ADCY9: variants seen among roughly 807,000 people sequenced by gnomAD.
ADCY9 encodes the protein adenylate cyclase 9, also known as adenylate cyclase type 9.
A neutral mutation model predicts 101.5 loss-of-function variants in ADCY9; 50 were observed. That is an observed-to-expected ratio of 0.49 (90% CI 0.39 to 0.62). ADCY9 has a LOEUF of 0.62. Ranked by LOEUF, ADCY9 falls within the 20% of genes least tolerant of loss-of-function variation. The probability of loss-of-function intolerance (pLI) is 0.00; values close to 1 mark genes in which losing one functional copy is unlikely to be tolerated. For missense variants in ADCY9, 1,662 were observed against 1,800.4 expected (o/e 0.92, Z 1.39); for synonymous variants, 905 against 769.3 (o/e 1.18, Z -2.92).
chr16:4,084,078 A>C (rs952907369), intron 2 of ADCY9, among the ~76,000 whole-genome samples: 1 of 151,900 alleles, frequency 6.6e-6, no homozygotes, highest in African/African-American at 2.4e-5. Context: ...TGACAGGTGA[A>C]TTACATCTCA....
rs1351332957 is a variant in ADCY9, at chr16:4,114,531, C to T, written c.912G>A (p.Val304=). 6.2e-7 allele frequency: 1 copy of T among 1,614,218 alleles called. No individual in the cohort carries two copies. The highest frequency in any genetic ancestry group is 8.5e-7 in the Non-Finnish European group (1 of 1,180,040). The change falls in exon 2 of 11, where the codon GTG becomes GTA. Residue 304 remains valine (V), a synonymous_variant. Transcript: ENST00000294016. This position sits in a 1 kb window ranked among gnomAD's most constrained non-coding sequence, Gnocchi z 4.3. ...CCTTGAGGAAGGTGCTCCTGGACCT[C>T]ACCTGGGACATGACGAACAGGTGGA... ...IGVHLFVMSQ[V]RSRSTFLKVG...
chr16:3,969,613 T>TATATATATATTTA (rs1491520639), intron 10 of ADCY9, among the ~76,000 whole-genome samples: 1 of 81,036 alleles, frequency 1.2e-5, no homozygotes, highest in Non-Finnish European at 2.2e-5. Flanking sequence ...TATATATGTA[T>TATATATATATTTA]TTTTTTTTTT....
At chr16:3,983,568 T>G (rs756027016) in intron 6 of ADCY9, 128 bp from the exon 7 acceptor site, 87 of 762,154 alleles carry the variant, frequency 1.1e-4, no homozygotes, top group Non-Finnish European at 1.8e-4. Flanking sequence ...GCAGGAAGGC[T>G]CTCGGAGGGC....
chr16:3,982,614 T>G (rs1180207191), intron 7 of ADCY9: 2 of 152,404 alleles, frequency 1.3e-5, no homozygotes, highest in African/African-American at 4.8e-5. Context: ...ATGAGCTGTC[T>G]TTTTATTATC....
intron 3 of ADCY9, among the ~76,000 whole-genome samples, chr16:3,999,970 G>T (rs1393162306): frequency 1.3e-5 from 2 of 152,154 alleles, no homozygotes; most frequent in Non-Finnish European, 2.9e-5. Flanking sequence ...GTCAAGGGAG[G>T]GAGTGGGGAA....
intron 2 of ADCY9, among the ~76,000 whole-genome samples, chr16:4,032,611 G>C (rs1457222408): frequency 1.3e-5 from 2 of 150,930 alleles, no homozygotes; most frequent in East Asian, 4.0e-4. Context: ...CCTGGTTCAA[G>C]AGATTCTCGT....
intron 2 of ADCY9, among the ~76,000 whole-genome samples, chr16:4,054,550 T>C (rs755136811): frequency 1.3e-5 from 2 of 152,098 alleles, no homozygotes; most frequent in Non-Finnish European, 2.9e-5. Flanking sequence ...TCAACAAGTA[T>C]GGCTCTGATT....
At chr16:3,957,776 G>A (rs540528804), downstream of ADCY9, among the ~76,000 whole-genome samples, 2 of 152,250 alleles carry the variant, frequency 1.3e-5, no homozygotes, top group South Asian at 4.1e-4. Context: ...GCCCCCGGGC[G>A]TCCTGAGCAG....
intron 2 of ADCY9, among the ~76,000 whole-genome samples, chr16:4,053,742 C>A (rs2532025): frequency 2.0e-5 from 3 of 152,206 alleles, no homozygotes; most frequent in Non-Finnish European, 4.4e-5. Flanking sequence ...GCCTGGGACG[C>A]AGCCAGTGAG....
At chr16:4,064,518 G>C (rs183834813) in intron 2 of ADCY9, among the ~76,000 whole-genome samples, 66 of 152,266 alleles carry the variant, frequency 4.3e-4, no homozygotes, top group African/African-American at 1.4e-3. Flanking sequence ...TGTCACTCGG[G>C]CTGGAGTACA....
intron 2 of ADCY9, among the ~76,000 whole-genome samples, chr16:4,057,492 C>T (rs892471240): frequency 9.2e-5 from 14 of 152,098 alleles, no homozygotes; most frequent in Admixed American, 9.2e-4. Flanking sequence ...TGTCGTTTGT[C>T]CGCCGGCCAC....
At chr16:4,108,624 G>A (rs991845549) in intron 2 of ADCY9, among the ~76,000 whole-genome samples, 9 of 150,164 alleles carry the variant, frequency 6.0e-5, no homozygotes, top group African/African-American at 2.0e-4. Context: ...TGCCCACCTC[G>A]GTCTCCCAAA....
At chr16:4,100,643 T>G (rs544498221) in intron 2 of ADCY9, among the ~76,000 whole-genome samples, 1 of 151,130 alleles carries the variant, frequency 6.6e-6, no homozygotes, top group East Asian at 2.0e-4. Flanking sequence ...GGTAGCAACT[T>G]TATAGCAGTG....
chr16:3,996,522 G>A (rs1433833952), intron 3 of ADCY9, among the ~76,000 whole-genome samples: 2 of 151,690 alleles, frequency 1.3e-5, no homozygotes, highest in Non-Finnish European at 2.9e-5. Context: ...GGCTAAGGTG[G>A]GGGGCTTGGT....
chr16:3,998,072 C>G (rs977121498), intron 3 of ADCY9, among the ~76,000 whole-genome samples: 3 of 151,924 alleles, frequency 2.0e-5, no homozygotes, highest in Non-Finnish European at 4.4e-5. Flanking sequence ...CCAGCCTGGG[C>G]GACAGAGCAA....
At position 3,963,283 on chromosome 16, in the gene ADCY9, C is replaced by G. The variant is rs1445494546; in HGVS notation, c.*2492G>C. 1.3e-5 allele frequency: 5 copies of G among 398,588 alleles called. No individual in the cohort carries two copies. In the Admixed American group the frequency reaches 1.3e-4, roughly 11 times the overall value. 24.7% of individuals were successfully genotyped at this position (398,588 alleles called of 1,614,324 possible). A position where few individuals can be genotyped will look rare whatever the true frequency, so the allele number is the denominator to read the frequency against. ...AGGTATTGCCACCCTGAAGCACGAC[C>G]CATGCCGTCAGCAGCCCTCGTGCCA... is the stretch of plus-strand genomic sequence containing the variant. On this transcript the variant is annotated 3_prime_UTR_variant, in exon 11 of 11. Coordinates refer to ENST00000294016, the MANE Select transcript of ADCY9 (RefSeq NM_001116.4).
chr16:4,109,791 T>A (rs2057101885), intron 2 of ADCY9, among the ~76,000 whole-genome samples: 1 of 152,132 alleles, frequency 6.6e-6, no homozygotes, highest in Non-Finnish European at 1.5e-5. Context: ...ACCTCATTAA[T>A]CTCTTTCCAA....
chr16:3,993,716 G>T (rs2056265736), intron 3 of ADCY9, among the ~76,000 whole-genome samples: 1 of 152,112 alleles, frequency 6.6e-6, no homozygotes, highest in African/African-American at 2.4e-5. Flanking sequence ...AACGCAACAG[G>T]ACCCAAAAAT....
At chr16:4,088,151 A>C (rs2056951721) in intron 2 of ADCY9, among the ~76,000 whole-genome samples, 1 of 151,952 alleles carries the variant, frequency 6.6e-6, no homozygotes, top group Admixed American at 6.6e-5. Flanking sequence ...TTAATATTCC[A>C]GCCACTGGAA....
Sources: gnomAD v4.1 joint callset for allele counts (sites outside exome capture counted in the v4.1 genomes callset) on GRCh38, gnomAD v4.1.1 for gene constraint, Gnocchi (gnomAD v3.1) non-coding constraint, MANE v1.5 for transcripts, NCBI Gene and HGNC (gene_info 2026-07-23, HGNC 2026-07-21) for gene names.